NLRP9: variants seen among roughly 807,000 people sequenced by gnomAD.
The protein encoded by NLRP9 is NACHT, LRR and PYD domains-containing protein 9.
Under a neutral mutation model 83.1 loss-of-function variants are expected in NLRP9, and 88 were observed. The observed-to-expected ratio is 1.06, with a 90% CI of 0.89 to 1.26. The LOEUF (loss-of-function observed/expected upper bound fraction) is 1.26, where lower values mean the gene tolerates loss of function less well. Among genes scored for constraint, NLRP9 ranks in the 50% most tolerant of loss-of-function variants. NLRP9 has a pLI of 0.00. For missense variants in NLRP9, 1,308 were observed against 1,179.3 expected, an observed-to-expected ratio of 1.11 and a Z score of -1.60; for synonymous variants, 521 against 447.6, an observed-to-expected ratio of 1.16 and a Z score of -2.07.
At chr19:55,728,559 C>T (rs550885486) in intron 3 of NLRP9, among the ~76,000 whole-genome samples, 33 of 151,998 alleles carry the variant, frequency 2.2e-4, no homozygotes, top group African/African-American at 5.8e-4. Flanking sequence ...GCAACAAGAG[C>T]GAAACTCCGT....
chr19:55,711,560 T>G (rs1400223779), intron 8 of NLRP9: 1 of 1,086,446 alleles, frequency 9.2e-7, no homozygotes, highest in Admixed American at 2.1e-5. Context: ...GGAGCTCTTT[T>G]TGATTGTCAC....
Position 55,716,868 on chromosome 19 carries a change from AACTTC to A in NLRP9, c.2185_2189del (p.Glu729LeufsTer2). 1 of 1,613,810 alleles carries A rather than the reference AACTTC, an allele frequency of 6.2e-7. No homozygotes were observed. Reference sequence around the variant, plus strand: ...CCAGGACGGAGGCGATGTCTTCACAAACTTCACTGGAGATGTCACACTTTCCCAGT... The same window carrying A: ...CCAGGACGGAGGCGATGTCTTCACAAACTGGAGATGTCACACTTTCCCAGT... On this transcript the variant is annotated frameshift_variant, in exon 5 of 9. Transcript: ENST00000332836. LOFTEE classifies it high-confidence loss of function.
At chr19:55,723,885 G>T in intron 4 of NLRP9, 95 bp downstream of exon 4, 1 of 911,054 alleles carries the variant, frequency 1.1e-6, no homozygotes, top group South Asian at 1.7e-5. Flanking sequence ...GATGAAGGCT[G>T]ATGCAATGAC....
intron 1 of NLRP9, 126 bp downstream of exon 1, chr19:55,737,969 C>T: frequency 3.2e-6 from 3 of 923,292 alleles, no homozygotes; most frequent in Admixed American, 2.0e-5. Flanking sequence ...CTCTTCCTAC[C>T]TTCAACTCTC....
chr19:55,732,681 G>A lies in NLRP9; in HGVS notation c.1150C>T (p.Pro384Ser). 1 of 1,614,194 alleles carries A rather than the reference G, an allele frequency of 6.2e-7. No homozygotes were observed. The highest frequency in any genetic ancestry group is 8.5e-7 in the Non-Finnish European group (1 of 1,180,036). Residue 384 changes from proline to serine, a missense_variant, in exon 2 of 9, where the codon CCA becomes TCA. Pro to Ser is a moderately conservative substitution (Grantham distance 74). Coordinates refer to ENST00000332836, the MANE Select transcript of NLRP9 (RefSeq NM_176820.4). Reference protein sequence around the residue: ...TVFKAGSQSFPPKVNRARLKS... With the variant: ...TVFKAGSQSFSPKVNRARLKS... ...AGTCGGGCTCTGTTCACCTTAGGTG[G>A]AAAACTCTGACTTCCTGCTTTGAAT... is the stretch of plus-strand genomic sequence containing the variant.
rs1251691421 is a variant in NLRP9 at position 55,733,373 on chromosome 19, G to A, written c.458C>T (p.Pro153Leu). 1 of 1,614,006 alleles carries A rather than the reference G, an allele frequency of 6.2e-7. No homozygotes were observed. The highest frequency in any genetic ancestry group is 8.5e-7 in the Non-Finnish European group (1 of 1,180,038). Residue 153 changes from proline to leucine, a missense_variant, in exon 2 of 9, where the codon CCT becomes CTT. By Grantham distance (98) the Pro-to-Leu change is moderately conservative. Coordinates refer to ENST00000332836, the MANE Select transcript of NLRP9 (RefSeq NM_176820.4). ...AAGGGTTGTTTTTCCAATTCCATCA[G>A]GACCTTCCAGGACCACAGTGTGTCG... ...ARRHTVVLEGPDGIGKTTLLR... is the reference protein window; with the variant it reads ...ARRHTVVLEGLDGIGKTTLLR...
intron 3 of NLRP9, among the ~76,000 whole-genome samples, chr19:55,726,597 C>T (rs1568600635): frequency 6.6e-6 from 1 of 152,180 alleles, no homozygotes; most frequent in African/African-American, 2.4e-5. Context: ...TGATGCCACT[C>T]TGTTTCCAGA....
rs761633121 is a variant in NLRP9 at position 55,711,786 on chromosome 19, CAG to C, written c.2843+12_2843+13del. 5.3e-5 allele frequency: 85 copies of C among 1,611,324 alleles called. No individual in the cohort carries two copies. The highest frequency in any genetic ancestry group is 3.5e-4 in the African/African-American group (26 of 74,992). On this transcript the variant is annotated intron_variant, in intron 8 of 8. Coordinates refer to ENST00000332836, the MANE Select transcript of NLRP9 (RefSeq NM_176820.4). ...CTGAAGTCACTCACCCCAAAGGAAA[CAG>C]TGTCCACTCACCCCAGCATCTGCAG...
chr19:55,714,217 C>G (rs1226801004), intron 6 of NLRP9, among the ~76,000 whole-genome samples: 1 of 152,024 alleles, frequency 6.6e-6, no homozygotes, highest in Non-Finnish European at 1.5e-5. Flanking sequence ...GTATGACAAG[C>G]CAGGCATTGA....
chr19:55,723,934 C>A (rs566883153), intron 4 of NLRP9, 46 bp downstream of exon 4: 19 of 1,522,450 alleles, frequency 1.2e-5, no homozygotes, highest in Non-Finnish European at 1.6e-5. Flanking sequence ...ACTGCAAAGC[C>A]CACCTTGGAA....
At position 55,713,441 on chromosome 19, in the gene NLRP9, T is replaced by G. The variant is rs185792138; in HGVS notation, c.2502-851A>C. On this transcript the variant is annotated intron_variant, in intron 6 of 8. Coordinates refer to ENST00000332836, the MANE Select transcript of NLRP9 (RefSeq NM_176820.4). Reference sequence around the variant, plus strand: ...CTACCCACACTCACACATATATATGTATGTGTCTGATGTATGTACTTGTGT... The same window carrying G: ...CTACCCACACTCACACATATATATGGATGTGTCTGATGTATGTACTTGTGT... Among the ~76,000 whole-genome samples the G allele has an allele frequency of 3.3e-5, 5 of 151,808 alleles. No individual in the cohort carries two copies. The East Asian group carries it at 9.9e-4, about 30-fold the overall frequency.
At chr19:55,722,159 T>C (rs1988246904) in intron 4 of NLRP9, among the ~76,000 whole-genome samples, 1 of 142,742 alleles carries the variant, frequency 7.0e-6, no homozygotes, top group Admixed American at 6.9e-5. Flanking sequence ...CCACCACCAA[T>C]ACCACACTGA....
At position 55,714,666 on chromosome 19, in the gene NLRP9, C is replaced by T. The variant is rs544058679; in HGVS notation, c.2501+389G>A. Among the ~76,000 whole-genome samples, 10 of 152,142 alleles carry T rather than the reference C, an allele frequency of 6.6e-5. No individual in the cohort carries two copies. In the East Asian group the frequency reaches 7.7e-4, roughly 12 times the overall value. On this transcript the variant is annotated intron_variant, in intron 6 of 8. Coordinates refer to ENST00000332836, the MANE Select transcript of NLRP9 (RefSeq NM_176820.4). ...TATAACAAAATGCCATAGACTGAAA[C>T]GGGTCCCTTATAGACAACAGAAATG...
chr19:55,711,122 TAAAC>T (rs1317476260), intron 8 of NLRP9, among the ~76,000 whole-genome samples: 2 of 150,386 alleles, frequency 1.3e-5, no homozygotes, highest in Non-Finnish European at 3.0e-5. Flanking sequence ...AAAAAAACCT[TAAAC>T]AACATATTGT....
chr19:55,715,297 C>T, intron 5 of NLRP9, 72 bp from the exon 6 acceptor site: 2 of 1,320,162 alleles, frequency 1.5e-6, no homozygotes, highest in Non-Finnish European at 2.1e-6. Flanking sequence ...CACACCATCT[C>T]CCAGCCCACT....
chr19:55,718,336 G>T (rs144446447), intron 4 of NLRP9, among the ~76,000 whole-genome samples: 202 of 152,308 alleles, frequency 1.3e-3, no homozygotes, highest in African/African-American at 3.9e-3. Context: ...TGAGGAGGAG[G>T]AGTGAAAGAG....
chr19:55,711,246 A>C (rs1987709568), intron 8 of NLRP9: 4 of 485,658 alleles, frequency 8.2e-6, no homozygotes, highest in Non-Finnish European at 1.1e-5. Context: ...TGTTTTTTAA[A>C]AAATAAAAAA....
Position 55,738,264 on chromosome 19 carries a change from A to G in NLRP9, c.111T>C (p.Phe37=). ...CAGCCCAGGGGATTGGCTTGAGTTC[A>G]AATTTCTCCAAAGGTTGTTTGAGGA... The part of the protein sequence containing the change: ...KELLKQPLEK[F]ELKPIPWAEL... The change falls in exon 1 of 9, where the codon TTT becomes TTC. Residue 37 remains phenylalanine (F), a synonymous_variant. Transcript: ENST00000332836. The G allele has an allele frequency of 6.2e-7, 1 of 1,614,122 alleles. No individual in the cohort carries two copies. Among genetic ancestry groups the G allele is most frequent in the Non-Finnish European group, 8.5e-7 (1 of 1,180,020 alleles).
At position 55,711,390 on chromosome 19, in the gene NLRP9, C is replaced by T. The variant is rs113507115; in HGVS notation, c.2843+410G>A. The T allele has an allele frequency of 3.2e-4, 398 of 1,253,252 alleles. 2 individuals are homozygous for T. The African/African-American group carries it at 4.5e-3, about 14-fold the overall frequency. 77.6% of individuals were successfully genotyped at this position (1,253,252 alleles called of 1,614,324 possible). ...AACAACGTTAACTGCTGCCATTTGG[C>T]GAATGTATTTCTGAATCAAGACCTT... On this transcript the variant is annotated intron_variant, in intron 8 of 8. Coordinates refer to ENST00000332836, the MANE Select transcript of NLRP9 (RefSeq NM_176820.4).
Sources: gnomAD v4.1 joint callset for allele counts (sites outside exome capture counted in the v4.1 genomes callset) on GRCh38, gnomAD v4.1.1 for gene constraint, MANE v1.5 for transcripts, NCBI Gene and HGNC (gene_info 2026-07-23, HGNC 2026-07-21) for gene names.